SLC47A2: variants seen among roughly 807,000 people sequenced by gnomAD.
SLC47A2 encodes solute carrier family 47 member 2.
SLC47A2 carries 52 observed loss-of-function variants against 67.7 expected under a neutral mutation model. That is an observed-to-expected ratio of 0.77 (90% CI 0.61 to 0.97). SLC47A2 has a LOEUF of 0.97. Ranked by LOEUF, SLC47A2 falls within the 50% of genes least tolerant of loss-of-function variation. SLC47A2 has a pLI of 0.00. For missense variants in SLC47A2, 676 were observed against 712.3 expected (o/e 0.95, Z 0.58); for synonymous variants, 278 against 292.9 (o/e 0.95, Z 0.52).
At chr17:19,682,058 T>C (rs2085326075) in intron 13 of SLC47A2, among the ~76,000 whole-genome samples, 1 of 152,122 alleles carries the variant, frequency 6.6e-6, no homozygotes. Context: ...ACTGCAAATA[T>C]TGTGGCTTAA....
intron 16 of SLC47A2, among the ~76,000 whole-genome samples, chr17:19,679,530 G>A (rs1051554735): frequency 6.6e-6 from 1 of 152,198 alleles, no homozygotes; most frequent in Non-Finnish European, 1.5e-5. Context: ...TGGCTGACAA[G>A]CCAGGCTCCC....
intron 5 of SLC47A2, 80 bp downstream of exon 5, chr17:19,712,623 C>T (rs1209373571): frequency 1.4e-6 from 2 of 1,467,934 alleles, no homozygotes; most frequent in Non-Finnish European, 1.9e-6. Flanking sequence ...TAGGGATCTT[C>T]CGCAGCAGAT....
intron 8 of SLC47A2, 101 bp from the exon 9 acceptor site, chr17:19,706,862 G>A: frequency 1.2e-6 from 1 of 822,542 alleles, no homozygotes; most frequent in Non-Finnish European, 1.9e-6. Context: ...GGCTCTTCCT[G>A]CTCTGGGGCT....
Position 19,707,832 on chromosome 17 carries a change from T to C in SLC47A2, c.641A>G (p.Tyr214Cys), listed in dbSNP as rs2085984812. 5.6e-6 allele frequency: 9 copies of C among 1,597,908 alleles called. No individual in the cohort carries two copies. Among genetic ancestry groups the C allele is most frequent in the Non-Finnish European group, 7.7e-6 (9 of 1,172,442 alleles). Residue 214 changes from tyrosine (Y) to cysteine (C), a missense_variant, in exon 8 of 17, where the codon TAT (tyrosine) becomes TGT (cysteine). By Grantham distance (194) the Tyr-to-Cys change is radical (BLOSUM62 -2). Transcript: ENST00000433844. ...VLNLGVRGSA[Y>C]ANIISQFAQT... ...TGCAAACTGGGAGATGATGTTGGCA[T>C]AGGCGGAGCCCCTGGGTAAGGAGGG... is the stretch of plus-strand genomic sequence containing the variant.
chr17:19,715,027 A>C (rs1597647660), intron 2 of SLC47A2, 89 bp downstream of exon 2: 1 of 1,432,484 alleles, frequency 7.0e-7, no homozygotes, highest in East Asian at 2.3e-5. Context: ...CCCATCCCTG[A>C]CCAGCCACCC....
At chr17:19,687,293 A>G (rs184054670) in intron 13 of SLC47A2, among the ~76,000 whole-genome samples, 1 of 152,338 alleles carries the variant, frequency 6.6e-6, no homozygotes, top group Non-Finnish European at 1.5e-5. Context: ...TGAAAGCAGT[A>G]CTAAGAGAGT....
intron 9 of SLC47A2, among the ~76,000 whole-genome samples, chr17:19,705,863 T>C (rs2085921175): frequency 6.6e-6 from 1 of 152,206 alleles, no homozygotes; most frequent in South Asian, 2.1e-4. Flanking sequence ...CCTTTCAAAG[T>C]GCAGGGATTA....
intron 13 of SLC47A2, among the ~76,000 whole-genome samples, chr17:19,687,303 T>C (rs1049162236): frequency 6.6e-6 from 1 of 150,478 alleles, no homozygotes; most frequent in African/African-American, 2.4e-5. Flanking sequence ...ACTAAGAGAG[T>C]TTATAGGAAT....
chr17:19,712,665 G>C (rs1207116342), intron 5 of SLC47A2, 38 bp downstream of exon 5: 1 of 1,606,982 alleles, frequency 6.2e-7, no homozygotes, highest in Non-Finnish European at 8.5e-7. Context: ...AGAATTTAGG[G>C]GAATGTGATT....
Position 19,681,357 on chromosome 17 carries a change from A to T in SLC47A2, c.1392+10T>A. 6 of 1,592,798 alleles carry T rather than the reference A, an allele frequency of 3.8e-6. No individual in the cohort carries two copies. The highest frequency in any genetic ancestry group is 5.1e-6 in the Non-Finnish European group (6 of 1,168,134). On this transcript the variant is annotated intron_variant, in intron 15 of 16. Coordinates refer to ENST00000433844, the MANE Select transcript of SLC47A2 (RefSeq NM_001099646.3). ...GGTGTCTTGTGGCCAGGGTCAGCTG[A>T]CCCACTTACCTCCTCTGCAGCAAGC...
rs549818861 is a variant in SLC47A2 at position 19,713,995 on chromosome 17, G to A, written c.295-22C>T. 3.0e-5 allele frequency: 48 copies of A among 1,605,508 alleles called. No individual in the cohort carries two copies. In the South Asian group the frequency reaches 4.6e-4, roughly 16 times the overall value. On this transcript the variant is annotated intron_variant, in intron 3 of 16. Transcript: ENST00000433844. ...AGCTCTGCAAAACAGCCCGCCCCGC[G>A]TCAGCCGTTTCCACTGCCCGGGACA...
intron 13 of SLC47A2, chr17:19,702,207 G>A (rs2085803288): frequency 1.0e-6 from 1 of 985,222 alleles, no homozygotes; most frequent in African/African-American, 1.7e-5. Context: ...TGTGTTCTGG[G>A]TGGGCTCGTT....
intron 16 of SLC47A2, among the ~76,000 whole-genome samples, chr17:19,679,163 C>G (rs138483726): frequency 1.8e-3 from 271 of 152,332 alleles, no homozygotes; most frequent in South Asian, 2.5e-3. Context: ...GAGGAGTGTT[C>G]TTGTCAACGC....
At chr17:19,691,846 T>G (rs2085548011) in intron 13 of SLC47A2, among the ~76,000 whole-genome samples, 1 of 152,238 alleles carries the variant, frequency 6.6e-6, no homozygotes. Context: ...AAATATCTCA[T>G]GTACCCCATA....
intron 13 of SLC47A2, among the ~76,000 whole-genome samples, chr17:19,698,652 G>C (rs1029643654): frequency 1.3e-5 from 2 of 152,058 alleles, no homozygotes; most frequent in Non-Finnish European, 2.9e-5. Flanking sequence ...ACTGCACCCA[G>C]CCTTGTATCA....
chr17:19,680,972 G>A (rs890634473), intron 15 of SLC47A2, among the ~76,000 whole-genome samples: 2 of 152,070 alleles, frequency 1.3e-5, no homozygotes, highest in African/African-American at 4.8e-5. Context: ...CCAGCACTTT[G>A]GGAGGCCAAG....
chr17:19,701,819 G>A (rs1414067380), intron 13 of SLC47A2, among the ~76,000 whole-genome samples: 2 of 152,058 alleles, frequency 1.3e-5, no homozygotes, highest in South Asian at 2.1e-4. Flanking sequence ...GGCAGCTCCC[G>A]AGGCCAGCCA....
rs2085310518 is a variant in SLC47A2, at chr17:19,681,382, C to T, written c.1377G>A (p.Lys459=). 6.2e-7 allele frequency: 1 copy of T among 1,609,468 alleles called. No individual in the cohort carries two copies. The highest frequency in any genetic ancestry group is 2.2e-5 in the East Asian group (1 of 44,728). The change falls in exon 15 of 17, where the codon AAG becomes AAA. Residue 459 remains lysine, a synonymous_variant. Coordinates refer to ENST00000433844, the MANE Select transcript of SLC47A2 (RefSeq NM_001099646.3). ...FVAYTARLDW[K]LAAEEAKKHS... ...ACCCACTTACCTCCTCTGCAGCAAGCTTCCAGTCCAGCCGGGCAGTATAAG... is the reference window on the plus strand; with the variant it reads ...ACCCACTTACCTCCTCTGCAGCAAGTTTCCAGTCCAGCCGGGCAGTATAAG...
At chr17:19,714,868 G>C in intron 2 of SLC47A2, 79 bp from the exon 3 acceptor site, 1 of 1,590,876 alleles carries the variant, frequency 6.3e-7, no homozygotes, top group Non-Finnish European at 8.6e-7. Context: ...GCTGAGCCAG[G>C]GTCAGGAAAT....
Sources: gnomAD v4.1 joint callset for allele counts (sites outside exome capture counted in the v4.1 genomes callset) on GRCh38, gnomAD v4.1.1 for gene constraint, MANE v1.5 for transcripts, NCBI Gene and HGNC (gene_info 2026-07-23, HGNC 2026-07-21) for gene names.